Variants in FASTKD1 observed in about 807,000 individuals in gnomAD.
The protein encoded by FASTKD1 is FAST kinase domains 1.
A neutral mutation model predicts 90.9 loss-of-function variants in FASTKD1; 94 were observed. That is an observed-to-expected ratio of 1.03 (90% CI 0.88 to 1.23). The LOEUF (loss-of-function observed/expected upper bound fraction) is 1.23. FASTKD1 is among the 50% of genes most tolerant of loss of function. The pLI, the probability that FASTKD1 is intolerant of heterozygous loss-of-function variation, is 0.00. For synonymous variants in FASTKD1, 319 were observed against 345.8 expected, an observed-to-expected ratio of 0.92 and a Z score of 0.86; for missense variants, 945 against 993.5, an observed-to-expected ratio of 0.95 and a Z score of 0.66.
At chr2:169,548,011 AAAC>A (rs1433119187) in intron 7 of FASTKD1, among the ~76,000 whole-genome samples, 1 of 150,760 alleles carries the variant, frequency 6.6e-6, no homozygotes, top group African/African-American at 2.4e-5. Flanking sequence ...AAAAAAAACA[AAAC>A]AAAAACAAAA....
At position 169,540,339 on chromosome 2, in the gene FASTKD1, T is replaced by C. The variant is rs147055290; in HGVS notation, c.1817-160A>G. 1.9e-3 allele frequency among the ~76,000 whole-genome samples: 287 copies of C among 152,300 alleles called. No homozygotes were observed. Among genetic ancestry groups the C allele is most frequent in the Middle Eastern group, 3.4e-3 (1 of 294 alleles). On this transcript the variant is annotated intron_variant, in intron 9 of 14. Transcript: ENST00000453153. ...ACAGGATAATGGTTAAGTGGTTACC[T>C]TTGGGTGTGAGCCAAGTAGGAAAAG...
At chr2:169,540,002 G>C in intron 10 of FASTKD1, 49 bp downstream of exon 10, 1 of 1,222,268 alleles carries the variant, frequency 8.2e-7, no homozygotes, top group Non-Finnish European at 1.2e-6. Flanking sequence ...CTGAGACTTG[G>C]ATATAAAGTA....
chr2:169,531,155 G>A, intron 13 of FASTKD1, 197 bp downstream of exon 13: 1 of 766,708 alleles, frequency 1.3e-6, no homozygotes, highest in Non-Finnish European at 2.4e-6. Flanking sequence ...TTTAGTTAGG[G>A]AGATTGCTAG....
chr2:169,560,329 G>T, intron 5 of FASTKD1, 58 bp downstream of exon 5: 1 of 1,393,870 alleles, frequency 7.2e-7, no homozygotes, highest in Non-Finnish European at 9.7e-7. Flanking sequence ...GGAGACCTAA[G>T]CTTGAAGGCT....
At chr2:169,553,649 G>C (rs948005464) in intron 7 of FASTKD1, among the ~76,000 whole-genome samples, 1 of 152,312 alleles carries the variant, frequency 6.6e-6, no homozygotes, top group African/African-American at 2.4e-5. Context: ...CGGGCGCAGT[G>C]GCTCACGCCT....
chr2:169,549,685 T>C (rs1338409955), intron 7 of FASTKD1, among the ~76,000 whole-genome samples: 2 of 152,142 alleles, frequency 1.3e-5, no homozygotes, highest in African/African-American at 4.8e-5. Context: ...CAGGCTGGTC[T>C]TGAACTCCTG....
Position 169,563,308 on chromosome 2 carries a change from T to C in FASTKD1, c.489A>G (p.Ala163=). 1 of 1,611,606 alleles carries C rather than the reference T, an allele frequency of 6.2e-7. No homozygotes were observed. The highest frequency in any genetic ancestry group is 8.5e-7 in the Non-Finnish European group (1 of 1,178,236). The change falls in exon 4 of 15, where the codon GCA becomes GCG. Residue 163 remains alanine, a synonymous_variant. Coordinates refer to ENST00000453153, the MANE Select transcript of FASTKD1 (RefSeq NM_024622.6). The stretch of plus-strand genomic sequence containing the variant: ...ATGGACTAAAATACAAATGCTGATC[T>C]GCTAGGCAAGAGGAAAATTCTGAGA... ...KLLSEFSSCL[A]DQHLYFSPLM...
chr2:169,563,036 T>C, intron 4 of FASTKD1, among the ~76,000 whole-genome samples, 189 bp downstream of exon 4: 1 of 152,194 alleles, frequency 6.6e-6, no homozygotes, highest in East Asian at 1.9e-4. Context: ...TTATGTACCT[T>C]ATGTCTAATC....
At chr2:169,545,275 T>C (rs1474503157) in intron 8 of FASTKD1, among the ~76,000 whole-genome samples, 1 of 152,182 alleles carries the variant, frequency 6.6e-6, no homozygotes. Context: ...AGTCACTAAA[T>C]TGAATAGGAA....
chr2:169,560,844 T>A, intron 4 of FASTKD1, 59 bp from the exon 5 acceptor site: 1 of 1,165,090 alleles, frequency 8.6e-7, no homozygotes, highest in Non-Finnish European at 1.1e-6. Context: ...CAATTCTTTT[T>A]TTTTTTTTTT....
chr2:169,567,366 C>T (rs1351625935), intron 3 of FASTKD1, among the ~76,000 whole-genome samples: 1 of 152,128 alleles, frequency 6.6e-6, no homozygotes, highest in Non-Finnish European at 1.5e-5. Flanking sequence ...CTATTATCAA[C>T]AAATCTAACC....
intron 7 of FASTKD1, 54 bp downstream of exon 7, chr2:169,555,070 A>T: frequency 6.5e-7 from 1 of 1,542,926 alleles, no homozygotes; most frequent in South Asian, 1.2e-5. Flanking sequence ...TAAACAAAAC[A>T]AATATTGTGG....
In FASTKD1 at chr2:169,571,676, C is replaced by T. The variant is rs1226911748; in HGVS notation, c.354G>A (p.Val118=). The change falls in exon 2 of 15, where the codon GTG becomes GTA. Residue 118 remains valine (V), a synonymous_variant. Coordinates refer to ENST00000453153, the MANE Select transcript of FASTKD1 (RefSeq NM_024622.6). ...KFKLMNDDTL[V]NVLYVTQQFA... ...ACTGTTGTGTGACGTATAACACATT[C>T]ACCAGGGTATCGTCATTCATTAATT... 6.2e-7 allele frequency: 1 copy of T among 1,604,404 alleles called. No homozygotes were observed. Among genetic ancestry groups the T allele is most frequent in the East Asian group, 2.2e-5 (1 of 44,744 alleles).
chr2:169,567,368 A>C (rs1684035448), intron 3 of FASTKD1, among the ~76,000 whole-genome samples: 1 of 152,214 alleles, frequency 6.6e-6, no homozygotes, highest in African/African-American at 2.4e-5. Context: ...ATTATCAACA[A>C]ATCTAACCCC....
At position 169,571,390 on chromosome 2, in the gene FASTKD1, C is replaced by T. The variant is rs891672833; in HGVS notation, c.377+263G>A. On this transcript the variant is annotated intron_variant, in intron 2 of 14. Transcript: ENST00000453153. Reference sequence around the variant, plus strand: ...CATCCTGGCTAACATGGTGAAACCCCGTCTCTACTAAAAATACAAAAAAAT... The same window carrying T: ...CATCCTGGCTAACATGGTGAAACCCTGTCTCTACTAAAAATACAAAAAAAT... Among the ~76,000 whole-genome samples the T allele has an allele frequency of 3.3e-5, 5 of 151,866 alleles. No homozygotes were observed. The South Asian group carries it at 6.3e-4, about 19-fold the overall frequency.
Position 169,529,877 on chromosome 2 carries a change from C to T in FASTKD1, c.2492G>A (p.Arg831Gln), listed in dbSNP as rs140620873. The change falls in exon 15 of 15, where the codon CGG (arginine) becomes CAG (glutamine). Residue 831 changes from arginine (R) to glutamine (Q), a missense_variant. Arg to Gln is a conservative substitution (Grantham distance 43). Coordinates refer to ENST00000453153, the MANE Select transcript of FASTKD1 (RefSeq NM_024622.6). The part of the protein sequence containing the change: ...NSMALSTKDA[R>Q]MDYLRECIFG... The stretch of plus-strand genomic sequence containing the variant: ...TATACATTCTCTCAGGTAGTCCATC[C>T]GAGCATCCTTTGTTGACAGTGCCAT... The T allele has an allele frequency of 1.3e-5, 21 of 1,613,548 alleles. No individual in the cohort carries two copies. Among genetic ancestry groups the T allele is most frequent in the Admixed American group, 6.7e-5 (4 of 59,940 alleles).
chr2:169,548,505 G>A (rs540853015), intron 7 of FASTKD1, among the ~76,000 whole-genome samples: 325 of 151,796 alleles, frequency 2.1e-3, no homozygotes, highest in Non-Finnish European at 3.5e-3. Context: ...GCCAAGGCGG[G>A]GGATAGCTTG....
chr2:169,541,582 T>C (rs1423765465), intron 9 of FASTKD1, among the ~76,000 whole-genome samples: 1 of 152,198 alleles, frequency 6.6e-6, no homozygotes, highest in Non-Finnish European at 1.5e-5. Context: ...AGATGCTGTC[T>C]GGCCCATAGA....
rs544268079 is a variant in FASTKD1, at chr2:169,559,468, T to C, written c.971+919A>G. On this transcript the variant is annotated intron_variant, in intron 5 of 14. Transcript: ENST00000453153. ...TCTTTTGAGACAAGGTTTCATTCTG[T>C]GCCCAGGCTGGAATTCAATGGCGCA... is the stretch of plus-strand genomic sequence containing the variant. Among the ~76,000 whole-genome samples the C allele has an allele frequency of 6.6e-5, 10 of 152,352 alleles. No individual in the cohort carries two copies. The South Asian group carries it at 2.1e-3, about 32-fold the overall frequency.
Sources: gnomAD v4.1 joint callset for allele counts (sites outside exome capture counted in the v4.1 genomes callset) on GRCh38, gnomAD v4.1.1 for gene constraint, MANE v1.5 for transcripts, NCBI Gene and HGNC (gene_info 2026-07-23, HGNC 2026-07-21) for gene names.